The following RAG1 variants were observed in gnomAD, a reference collection of about 807,000 sequenced individuals.
The protein encoded by RAG1 is V(D)J recombination-activating protein 1.
RAG1 carries 35 observed loss-of-function variants against 62.7 expected under a neutral mutation model. That is an observed-to-expected ratio of 0.56 (90% CI 0.43 to 0.74). RAG1 has a LOEUF of 0.74. Among genes scored for constraint, RAG1 ranks in the 30% least tolerant of loss-of-function variants. The pLI, the probability that RAG1 is intolerant of heterozygous loss-of-function variation, is 0.00. For missense variants in RAG1, 1,169 were observed against 1,278.6 expected, an observed-to-expected ratio of 0.91 and a Z score of 1.31; for synonymous variants, 461 against 470.3, an observed-to-expected ratio of 0.98 and a Z score of 0.26.
intron 1 of RAG1, among the ~76,000 whole-genome samples, chr11:36,515,074 A>G (rs777428210): frequency 2.0e-5 from 3 of 152,134 alleles, no homozygotes; most frequent in Non-Finnish European, 4.4e-5. Flanking sequence ...AACTTTCCAG[A>G]AGGTGTCTGT....
rs987983760 is a variant in RAG1 at position 36,578,079 on chromosome 11, C to T, written c.*1643C>T. 1.2e-5 allele frequency: 2 copies of T among 166,930 alleles called. No individual in the cohort carries two copies. The highest frequency in any genetic ancestry group is 2.9e-5 in the Non-Finnish European group (2 of 68,114). 10.3% of individuals were successfully genotyped at this position (166,930 alleles called of 1,614,324 possible). On this transcript the variant is annotated 3_prime_UTR_variant, in exon 2 of 2. Coordinates refer to ENST00000299440, the MANE Select transcript of RAG1 (RefSeq NM_000448.3). ...CATGGAATTTTATATGCTAGTGAGT[C>T]ATAATGATATGTTAGTGTTAATTAG...
intron 3 of RAG1, among the ~76,000 whole-genome samples, chr11:36,542,770 G>A (rs1590678974): frequency 6.6e-6 from 1 of 152,228 alleles, no homozygotes. Context: ...TGGTTGTTGA[G>A]CTTGGGGCGA....
At position 36,575,608 on chromosome 11, in the gene RAG1, C is replaced by T. The variant is rs777005609; in HGVS notation, c.2304C>T (p.Tyr768=). The change falls in exon 2 of 2, where the codon TAC becomes TAT. Residue 768 remains tyrosine, a synonymous_variant. Coordinates refer to ENST00000299440, the MANE Select transcript of RAG1 (RefSeq NM_000448.3). The surrounding 1 kb of genome is among the most constrained non-coding windows in gnomAD (Gnocchi z 4.1). ...ERYEVWRSNP[Y]HESVEELRDR... ...ATGAGGTCTGGCGTTCCAACCCTTACCATGAGTCTGTGGAAGAACTGCGGG... is the reference window on the plus strand; with the variant it reads ...ATGAGGTCTGGCGTTCCAACCCTTATCATGAGTCTGTGGAAGAACTGCGGG... 6.2e-7 allele frequency: 1 copy of T among 1,614,220 alleles called. No homozygotes were observed. The highest frequency in any genetic ancestry group is 1.1e-5 in the South Asian group (1 of 91,086).
chr11:36,564,275 T>C (rs1850630395), upstream of RAG1, among the ~76,000 whole-genome samples: 9 of 152,330 alleles, frequency 5.9e-5, no homozygotes, highest in South Asian at 1.9e-3. Context: ...TGTGGAAGAC[T>C]GGAGTTAATG....
At chr11:36,544,688 G>C (rs1013131878) in intron 3 of RAG1, among the ~76,000 whole-genome samples, 2 of 152,082 alleles carry the variant, frequency 1.3e-5, no homozygotes, top group Non-Finnish European at 2.9e-5. Flanking sequence ...GGTTGATGTG[G>C]TCTGGCTACA....
chr11:36,577,274 T>C lies in RAG1; in HGVS notation c.*838T>C, dbSNP rs565176721. The C allele has an allele frequency of 6.0e-6, 1 of 167,052 alleles. No individual in the cohort carries two copies. The highest frequency in any genetic ancestry group is 1.9e-4 in the East Asian group (1 of 5,190). 10.3% of individuals were successfully genotyped at this position (167,052 alleles called of 1,614,324 possible). On this transcript the variant is annotated 3_prime_UTR_variant, in exon 2 of 2. Transcript: ENST00000299440. ...CTTTTTCATTTCAAGAAATTTAGAG[T>C]TTCCAAATTTAGAGCTTCTGCATAC...
chr11:36,519,460 T>G (rs1210871127), intron 1 of RAG1, among the ~76,000 whole-genome samples: 1 of 152,230 alleles, frequency 6.6e-6, no homozygotes, highest in Non-Finnish European at 1.5e-5. Context: ...CAGGATAATA[T>G]TAAAGAATGT....
rs146729138 is a variant in RAG1, at chr11:36,530,383, C to T, written n.429-5576C>T. On this transcript the variant is annotated intron_variant and non_coding_transcript_variant, in intron 2 of 2. Coordinates refer to the RAG1 transcript ENST00000529126. ...TTCTGCTTGCTTTGACTTTATTTTT[C>T]TCTTCTAGCTGTAGGTTCTTGAAGT... 5.5e-4 allele frequency among the ~76,000 whole-genome samples: 84 copies of T among 151,622 alleles called. 1 individual carries two copies. The highest frequency in any genetic ancestry group is 1.9e-3 in the African/African-American group (78 of 41,414).
Position 36,578,198 on chromosome 11 carries a change from G to A in RAG1, c.*1762G>A, listed in dbSNP as rs1211051949. ...TAATTTAGTTGTCAAAAGTGCATCG[G>A]CGACATTATCTTTAATTGTATGTAT... is the stretch of plus-strand genomic sequence containing the variant. On this transcript the variant is annotated 3_prime_UTR_variant, in exon 2 of 2. Transcript: ENST00000299440. 1 of 167,108 alleles carries A rather than the reference G, an allele frequency of 6.0e-6. No homozygotes were observed. Among genetic ancestry groups the A allele is most frequent in the East Asian group, 1.9e-4 (1 of 5,192 alleles). The allele number at this position is 167,108 out of a possible 1,614,324, so 10.4% of individuals were successfully genotyped here.
intron 1 of RAG1, among the ~76,000 whole-genome samples, chr11:36,569,633 G>C (rs1384512530): frequency 2.0e-5 from 3 of 152,146 alleles, no homozygotes; most frequent in Non-Finnish European, 4.4e-5. Flanking sequence ...CACATATACA[G>C]CTAGTCTTTA....
At chr11:36,544,872 CT>C (rs1850370968) in intron 3 of RAG1, among the ~76,000 whole-genome samples, 2 of 152,146 alleles carry the variant, frequency 1.3e-5, no homozygotes, top group African/African-American at 4.8e-5. Context: ...CTCGTTCTCT[CT>C]TTTCTGCAAC....
At chr11:36,528,522 G>T (rs1324633888) in intron 2 of RAG1, among the ~76,000 whole-genome samples, 1 of 151,922 alleles carries the variant, frequency 6.6e-6, no homozygotes, top group Non-Finnish European at 1.5e-5. Context: ...GTAGCATTAA[G>T]TGGCCACTAG....
intron 3 of RAG1, among the ~76,000 whole-genome samples, chr11:36,557,485 C>T (rs1443483182): frequency 6.7e-6 from 1 of 148,606 alleles, no homozygotes; most frequent in Non-Finnish European, 1.5e-5. Context: ...ACGGTGCGCG[C>T]ACACACTGGC....
upstream of RAG1, among the ~76,000 whole-genome samples, chr11:36,564,792 A>G (rs1316104660): frequency 6.6e-6 from 1 of 152,192 alleles, no homozygotes; most frequent in African/African-American, 2.4e-5. Flanking sequence ...CAGGGTGGCG[A>G]GTTTGCATGC....
rs1358110098 is a variant in RAG1 at position 36,575,069 on chromosome 11, T to C, written c.1765T>C (p.Tyr589His). The C allele has an allele frequency of 6.2e-7, 1 of 1,614,020 alleles. No individual in the cohort carries two copies. The highest frequency in any genetic ancestry group is 8.5e-7 in the Non-Finnish European group (1 of 1,180,014). Residue 589 changes from tyrosine (Y) to histidine (H), a missense_variant, in exon 2 of 2, where the codon TAC (tyrosine) becomes CAC (histidine). Around this residue, in one of 2 missense-constraint regions of RAG1, gnomAD observed 800 missense variants for 943.3 expected, o/e 0.85. Coordinates refer to ENST00000299440, the MANE Select transcript of RAG1 (RefSeq NM_000448.3). This position sits in a 1 kb window ranked among gnomAD's most constrained non-coding sequence, Gnocchi z 4.1. ...EGMRSQDLDD[Y>H]LNGPFTVVVK... ...CATGAGATCCCAAGACCTTGATGAT[T>C]ACCTGAATGGCCCCTTCACTGTGGT...
intron 3 of RAG1, among the ~76,000 whole-genome samples, chr11:36,559,517 T>C (rs1008829718): frequency 2.2e-4 from 33 of 152,206 alleles, no homozygotes; most frequent in African/African-American, 8.0e-4. Flanking sequence ...CACATAATGG[T>C]ATTTTATAAA....
In RAG1 at chr11:36,578,632, G is replaced by C. The variant is rs767742233; in HGVS notation, c.*2196G>C. The C allele has an allele frequency of 1.2e-5, 2 of 166,962 alleles. No individual in the cohort carries two copies. The highest frequency in any genetic ancestry group is 6.5e-5 in the Admixed American group (1 of 15,280). 10.3% of individuals were successfully genotyped at this position (166,962 alleles called of 1,614,324 possible). ...AACTATTTTGAATGCATGTGACTAA[G>C]AGCATGATTTATAGCACAACCTTTC... On this transcript the variant is annotated 3_prime_UTR_variant, in exon 2 of 2. Coordinates refer to ENST00000299440, the MANE Select transcript of RAG1 (RefSeq NM_000448.3).
intron 3 of RAG1, among the ~76,000 whole-genome samples, chr11:36,551,274 A>G (rs1480679163): frequency 2.0e-5 from 3 of 152,142 alleles, no homozygotes; most frequent in Non-Finnish European, 4.4e-5. Flanking sequence ...TGTGTGTATC[A>G]TAGGTCTTTC....
At chr11:36,515,550 T>A (rs1391672973) in intron 1 of RAG1, 1 of 152,346 alleles carries the variant, frequency 6.6e-6, no homozygotes, top group Non-Finnish European at 1.5e-5. Context: ...CCTAAGTTTC[T>A]CAGCAGCCCC....
Sources: gnomAD v4.1 joint callset for allele counts (sites outside exome capture counted in the v4.1 genomes callset) on GRCh38, gnomAD v4.1.1 for gene constraint, gnomAD v4.1.1 regional missense constraint, Gnocchi (gnomAD v3.1) non-coding constraint, MANE v1.5 for transcripts, NCBI Gene and HGNC (gene_info 2026-07-23, HGNC 2026-07-21) for gene names.